Variants in DEPTOR observed in about 807,000 individuals in gnomAD.
DEPTOR encodes DEP domain containing MTOR interacting protein.
DEPTOR carries 41 observed loss-of-function variants against 41.6 expected under a neutral mutation model. That is an observed-to-expected ratio of 0.98 (90% CI 0.77 to 1.28). DEPTOR has a LOEUF of 1.28. DEPTOR is among the 50% of genes most tolerant of loss of function. DEPTOR has a pLI of 0.00. For missense variants in DEPTOR, 514 were observed against 527.9 expected (o/e 0.97, Z 0.26); for synonymous variants, 195 against 192.3 (o/e 1.01, Z -0.12).
intron 1 of DEPTOR, among the ~76,000 whole-genome samples, chr8:119,876,999 T>C (rs1409497184): frequency 2.0e-5 from 3 of 152,136 alleles, no homozygotes; most frequent in Non-Finnish European, 2.9e-5. Context: ...GCAGGAAGGA[T>C]TGGGTGGTGG....
chr8:119,977,389 GA>G lies in DEPTOR; in HGVS notation c.604+11989del, dbSNP rs112346556. Among the ~76,000 whole-genome samples, 21 of 146,462 alleles carry G rather than the reference GA, an allele frequency of 1.4e-4. 1 individual carries two copies. The highest frequency in any genetic ancestry group is 4.7e-4 in the African/African-American group (19 of 40,048). On this transcript the variant is annotated intron_variant, in intron 4 of 8. Transcript: ENST00000286234. ...GCTCCTAAATGTTCAACTTTGAACA[GA>G]AAAAAAAAAGCTGGGTAGAGTATTT...
intron 4 of DEPTOR, among the ~76,000 whole-genome samples, chr8:119,982,014 TAAAAAAAAAAA>T (rs35334859): frequency 4.6e-5 from 3 of 65,688 alleles, no homozygotes; most frequent in African/African-American, 6.5e-5. Context: ...ATTCCATCTC[TAAAAAAAAAAA>T]AAAAAAAAAA....
chr8:119,875,168 T>G (rs1397805501), intron 1 of DEPTOR, among the ~76,000 whole-genome samples: 4 of 152,328 alleles, frequency 2.6e-5, no homozygotes, highest in Middle Eastern at 3.4e-3. Flanking sequence ...CAAAAGTACT[T>G]TCTAATGAAA....
intron 3 of DEPTOR, among the ~76,000 whole-genome samples, chr8:119,937,114 T>A (rs1289871524): frequency 6.6e-6 from 1 of 151,722 alleles, no homozygotes; most frequent in African/African-American, 2.4e-5. Context: ...CAAACTGTAA[T>A]AAAAATATTT....
At chr8:119,972,747 A>T (rs1185411148) in intron 4 of DEPTOR, among the ~76,000 whole-genome samples, 1 of 152,072 alleles carries the variant, frequency 6.6e-6, no homozygotes, top group East Asian at 1.9e-4. Flanking sequence ...AGAAGATGAG[A>T]TGCTAACTGC....
At position 120,006,835 on chromosome 8, in the gene DEPTOR, T is replaced by A. The variant is rs200825553; in HGVS notation, c.956T>A (p.Leu319His). The change falls in exon 7 of 9, where the codon CTC (leucine) becomes CAC (histidine). Residue 319 changes from leucine to histidine, a missense_variant. Coordinates refer to ENST00000286234, the MANE Select transcript of DEPTOR (RefSeq NM_022783.4). ...AAGAGACCTGTCACCTCTGAGGAAC[T>A]CCTTACTCCCGGGGCTCCGTATGCA... is the stretch of plus-strand genomic sequence containing the variant. ...VLKRPVTSEE[L>H]LTPGAPYARK... 1 of 1,614,198 alleles carries A rather than the reference T, an allele frequency of 6.2e-7. No individual in the cohort carries two copies. The highest frequency in any genetic ancestry group is 2.2e-5 in the East Asian group (1 of 44,878).
chr8:119,896,524 G>C (rs1827522324), intron 1 of DEPTOR, among the ~76,000 whole-genome samples: 2 of 143,536 alleles, frequency 1.4e-5, no homozygotes, highest in Non-Finnish European at 3.1e-5. Flanking sequence ...TTTTGAGCCT[G>C]AGTCTCGCTC....
chr8:119,923,732 C>A (rs963264421), intron 1 of DEPTOR, among the ~76,000 whole-genome samples: 1 of 151,934 alleles, frequency 6.6e-6, no homozygotes, highest in Non-Finnish European at 1.5e-5. Context: ...ATTTTCTTGA[C>A]TTTATGTTCT....
intron 1 of DEPTOR, among the ~76,000 whole-genome samples, chr8:119,906,530 G>A (rs1827666164): frequency 1.3e-5 from 2 of 152,050 alleles, no homozygotes; most frequent in East Asian, 1.9e-4. Context: ...TGCACCAATG[G>A]TTGGTCTTAG....
chr8:120,003,362 G>C (rs1812385784), intron 6 of DEPTOR, among the ~76,000 whole-genome samples: 1 of 152,140 alleles, frequency 6.6e-6, no homozygotes, highest in African/African-American at 2.4e-5. Context: ...GCCCTTCCAA[G>C]TTGCCTGGAG....
intron 1 of DEPTOR, among the ~76,000 whole-genome samples, chr8:119,895,470 A>C (rs992914095): frequency 6.6e-6 from 1 of 152,204 alleles, no homozygotes; most frequent in African/African-American, 2.4e-5. Context: ...GGGCAGGTAC[A>C]TCAACCTGTC....
At chr8:119,874,948 T>C (rs1048986574) in intron 1 of DEPTOR, among the ~76,000 whole-genome samples, 6 of 152,156 alleles carry the variant, frequency 3.9e-5, no homozygotes, top group African/African-American at 1.2e-4. Context: ...GTTCTTAGCC[T>C]GAATTCCCCA....
At chr8:119,933,172 C>T (rs1828067101) in intron 3 of DEPTOR, among the ~76,000 whole-genome samples, 1 of 152,062 alleles carries the variant, frequency 6.6e-6, no homozygotes, top group South Asian at 2.1e-4. Context: ...AAATCACTGA[C>T]TCCTGTGGCT....
chr8:120,025,136 C>T lies in DEPTOR; in HGVS notation c.1101+16003C>T, dbSNP rs532998719. ...CATGCAAATATTTAATTACAAGCTA[C>T]GTTAATCCACACAGATTTTAATTAA... On this transcript the variant is annotated intron_variant, in intron 8 of 8. Transcript: ENST00000286234. 1.2e-3 allele frequency among the ~76,000 whole-genome samples: 184 copies of T among 152,256 alleles called. 2 individuals carry two copies. Among genetic ancestry groups the T allele is most frequent in the African/African-American group, 3.5e-3 (146 of 41,550 alleles).
At chr8:120,044,797 A>G (rs977596423) in intron 8 of DEPTOR, among the ~76,000 whole-genome samples, 2 of 152,202 alleles carry the variant, frequency 1.3e-5, no homozygotes, top group Non-Finnish European at 2.9e-5. Context: ...TTTTCAATAT[A>G]TGACTGAATT....
intron 1 of DEPTOR, among the ~76,000 whole-genome samples, chr8:119,921,628 G>C (rs35362581): frequency 0.21 from 31,141 of 151,886 alleles, 3,321 homozygotes; most frequent in Middle Eastern, 0.34. Flanking sequence ...AGTAGGAATA[G>C]TGTGTAGTGC....
Position 120,043,631 on chromosome 8 carries a change from C to A in DEPTOR, c.1102-5945C>A, listed in dbSNP as rs1813113030. The stretch of plus-strand genomic sequence containing the variant: ...GTTCTTATGTAGGCCTGTAGAGTAT[C>A]CTGGAGGTCAGATTCCAGATGCAGC... On this transcript the variant is annotated intron_variant, in intron 8 of 8. Transcript: ENST00000286234. 1.3e-5 allele frequency among the ~76,000 whole-genome samples: 2 copies of A among 152,230 alleles called. 1 individual carries two copies. The highest frequency in any genetic ancestry group is 4.2e-4 in the South Asian group (2 of 4,818).
intron 7 of DEPTOR, among the ~76,000 whole-genome samples, chr8:120,008,792 T>G (rs1316076452): frequency 6.6e-6 from 1 of 152,180 alleles, no homozygotes; most frequent in African/African-American, 2.4e-5. Context: ...AATCATGCCC[T>G]CATGGGAGCA....
At chr8:119,973,803 A>G (rs114817084) in intron 4 of DEPTOR, among the ~76,000 whole-genome samples, 1 of 152,136 alleles carries the variant, frequency 6.6e-6, no homozygotes, top group Non-Finnish European at 1.5e-5. Context: ...ACATATATTT[A>G]TATCATACTG....
Sources: gnomAD v4.1 joint callset for allele counts (sites outside exome capture counted in the v4.1 genomes callset) on GRCh38, gnomAD v4.1.1 for gene constraint, MANE v1.5 for transcripts, NCBI Gene and HGNC (gene_info 2026-07-23, HGNC 2026-07-21) for gene names.